The following CDK19 variants were observed in gnomAD, a reference collection of about 807,000 sequenced individuals.
The protein encoded by CDK19 is cyclin dependent kinase 19.
Under a neutral mutation model 68.3 loss-of-function variants are expected in CDK19, and 20 were observed. The ratio of observed to expected loss-of-function variants is 0.29; its 90% confidence interval spans 0.21 to 0.43. The LOEUF (loss-of-function observed/expected upper bound fraction) is 0.43, where lower values mean the gene tolerates loss of function less well. Among genes scored for constraint, CDK19 ranks in the 20% least tolerant of loss-of-function variants. The probability of loss-of-function intolerance (pLI) is 1.00; values close to 1 mark genes in which losing one functional copy is unlikely to be tolerated. For synonymous variants in CDK19, 221 were observed against 222.8 expected, an observed-to-expected ratio of 0.99 and a Z score of 0.07; for missense variants, 339 against 623.5, an observed-to-expected ratio of 0.54 and a Z score of 4.86.
intron 2 of CDK19, among the ~76,000 whole-genome samples, chr6:110,703,133 T>A (rs1488928567): frequency 6.6e-6 from 1 of 152,168 alleles, no homozygotes; most frequent in Non-Finnish European, 1.5e-5. Flanking sequence ...TCTATTCAGT[T>A]GAAACCAGCA....
intron 1 of CDK19, among the ~76,000 whole-genome samples, chr6:110,789,452 T>C (rs1324962616): frequency 6.6e-6 from 1 of 152,156 alleles, no homozygotes; most frequent in Non-Finnish European, 1.5e-5. Context: ...CTAATTTTTG[T>C]ATTTTTAGTA....
intron 12 of CDK19, among the ~76,000 whole-genome samples, chr6:110,617,020 T>C (rs780408370): frequency 6.6e-6 from 1 of 152,158 alleles, no homozygotes; most frequent in African/African-American, 2.4e-5. Flanking sequence ...CTAATGGAAC[T>C]GTTGGGGCAC....
intron 1 of CDK19, among the ~76,000 whole-genome samples, chr6:110,769,647 C>T (rs567192521): frequency 1.3e-5 from 2 of 151,818 alleles, no homozygotes; most frequent in Non-Finnish European, 2.9e-5. Context: ...CTACTTTCTA[C>T]TCCAGGTTTT....
rs116482884 is a variant in CDK19, at chr6:110,636,270, G to A, written c.514+2379C>T. Among the ~76,000 whole-genome samples the A allele has an allele frequency of 1.0e-2, 1,518 of 152,342 alleles. 30 individuals carry two copies. The highest frequency in any genetic ancestry group is 0.035 in the African/African-American group (1,446 of 41,584). ...TAGAAATAAAGACTTCGGCTAGGGTGAGAGATTAGACTCTGGTATCAAGAT... is the reference window on the plus strand; with the variant it reads ...TAGAAATAAAGACTTCGGCTAGGGTAAGAGATTAGACTCTGGTATCAAGAT... On this transcript the variant is annotated intron_variant, in intron 5 of 12. Transcript: ENST00000368911.
At chr6:110,793,526 T>C (rs138870458) in intron 1 of CDK19, among the ~76,000 whole-genome samples, 2 of 152,362 alleles carry the variant, frequency 1.3e-5, no homozygotes, top group African/African-American at 2.4e-5. Flanking sequence ...GAGACAGTTA[T>C]AGTTCATAAA....
intron 1 of CDK19, among the ~76,000 whole-genome samples, chr6:110,787,939 A>G (rs1272136407): frequency 2.0e-5 from 3 of 151,708 alleles, no homozygotes; most frequent in Non-Finnish European, 4.4e-5. Flanking sequence ...TCCCGGGTTC[A>G]AATGATTCTC....
At chr6:110,620,747 T>C (rs1778657814) in intron 12 of CDK19, among the ~76,000 whole-genome samples, 1 of 152,220 alleles carries the variant, frequency 6.6e-6, no homozygotes, top group African/African-American at 2.4e-5. Flanking sequence ...CAATTAATTT[T>C]GTCCAAAGTA....
intron 1 of CDK19, among the ~76,000 whole-genome samples, chr6:110,779,790 A>G (rs1251875418): frequency 6.6e-6 from 1 of 152,052 alleles, no homozygotes; most frequent in Non-Finnish European, 1.5e-5. Flanking sequence ...CATATTCTCA[A>G]GCACTTAAAG....
chr6:110,814,889 G>T, intron 1 of CDK19, 120 bp downstream of exon 1: 1 of 1,370,102 alleles, frequency 7.3e-7, no homozygotes. Context: ...ACGCAACCCC[G>T]CGACCCCCTC....
rs754074537 is a variant in CDK19, at chr6:110,638,635, G to A, written c.514+14C>T. ...TCAGTTTTTAAATAAATTATTTTAG[G>A]AATAATTACCTACCTATTTTGACTC... On this transcript the variant is annotated intron_variant, in intron 5 of 12. Coordinates refer to ENST00000368911, the MANE Select transcript of CDK19 (RefSeq NM_015076.5). 1.2e-5 allele frequency: 15 copies of A among 1,303,892 alleles called. 1 individual carries two copies. Among genetic ancestry groups the A allele is most frequent in the East Asian group, 7.0e-5 (3 of 42,972 alleles). 80.8% of individuals were successfully genotyped at this position (1,303,892 alleles called of 1,614,324 possible). A position where few individuals can be genotyped will look rare whatever the true frequency, so the allele number is the denominator to read the frequency against.
intron 6 of CDK19, 125 bp from the exon 7 acceptor site, chr6:110,627,270 A>G (rs1262068560): frequency 1.5e-6 from 1 of 649,410 alleles, no homozygotes; most frequent in East Asian, 5.5e-5. Context: ...AAGTACATTA[A>G]GAGAACATTA....
chr6:110,787,678 G>A (rs1583102737), intron 1 of CDK19, among the ~76,000 whole-genome samples: 1 of 152,320 alleles, frequency 6.6e-6, no homozygotes, highest in African/African-American at 2.4e-5. Flanking sequence ...CTGGGCTCAA[G>A]TGATCCTCCT....
At chr6:110,667,658 C>A in intron 3 of CDK19, 84 bp from the exon 4 acceptor site, 2 of 648,770 alleles carry the variant, frequency 3.1e-6, no homozygotes, top group Non-Finnish European at 4.8e-6. Flanking sequence ...AACAAATGCT[C>A]TATATTTTAA....
chr6:110,642,660 A>G (rs1780281761), intron 4 of CDK19, among the ~76,000 whole-genome samples: 1 of 152,174 alleles, frequency 6.6e-6, no homozygotes, highest in South Asian at 2.1e-4. Flanking sequence ...GCTATATGCT[A>G]TATAAGAAAC....
In CDK19 at chr6:110,746,159, T is replaced by G; in HGVS notation, c.171A>C (p.Thr57=). The stretch of plus-strand genomic sequence containing the variant: ...CTCTACAAGCCGACATGGATATTCC[T>G]GTGCCTTCAATTTGCTTCAATGCAT... The part of the protein sequence containing the change: ...KEYALKQIEG[T]GISMSACREI... Residue 57 remains threonine, a synonymous_variant, in exon 2 of 13, where the codon ACA becomes ACC. Coordinates refer to ENST00000368911, the MANE Select transcript of CDK19 (RefSeq NM_015076.5). 1 of 1,603,924 alleles carries G rather than the reference T, an allele frequency of 6.2e-7. No individual in the cohort carries two copies.
chr6:110,679,163 T>G (rs1771788178), intron 2 of CDK19, among the ~76,000 whole-genome samples: 1 of 151,470 alleles, frequency 6.6e-6, no homozygotes, highest in Non-Finnish European at 1.5e-5. Flanking sequence ...TAAATTAAAT[T>G]AAATTATCCA....
At chr6:110,810,625 T>C (rs189062495) in intron 1 of CDK19, among the ~76,000 whole-genome samples, 118 of 151,900 alleles carry the variant, frequency 7.8e-4, no homozygotes, top group East Asian at 4.1e-3. Context: ...AAATACAAAA[T>C]CAGCCAGGCG....
intron 2 of CDK19, among the ~76,000 whole-genome samples, chr6:110,711,847 AG>A (rs1427501079): frequency 6.6e-6 from 1 of 152,246 alleles, no homozygotes; most frequent in Non-Finnish European, 1.5e-5. Flanking sequence ...GGGTGCCTGC[AG>A]TCCTAGCTAC....
At chr6:110,797,327 G>A (rs907130773) in intron 1 of CDK19, among the ~76,000 whole-genome samples, 10 of 151,506 alleles carry the variant, frequency 6.6e-5, no homozygotes, top group African/African-American at 2.2e-4. Context: ...GCGACAGAGG[G>A]AGACTTCGTC....
Sources: allele counts gnomAD v4.1 joint callset (sites outside exome capture counted in the v4.1 genomes callset), GRCh38; gene constraint gnomAD v4.1.1; transcripts MANE v1.5; gene names NCBI Gene and HGNC (gene_info 2026-07-23, HGNC 2026-07-21).